Variants in TPTE2 observed in about 807,000 individuals in gnomAD.
TPTE2 encodes transmembrane phosphoinositide 3-phosphatase and tensin homolog 2.
TPTE2 carries 53 observed loss-of-function variants against 78.6 expected under a neutral mutation model. The ratio of observed to expected loss-of-function variants is 0.67; its 90% CI spans 0.54 to 0.85. TPTE2 has a LOEUF of 0.85. Ranked by LOEUF, TPTE2 falls within the 40% of genes least tolerant of loss-of-function variation. The probability of loss-of-function intolerance (pLI) is 0.00; values close to 1 mark genes in which losing one functional copy is unlikely to be tolerated. For synonymous variants in TPTE2, 175 were observed against 206.2 expected, an observed-to-expected ratio of 0.85 and a Z score of 1.30; for missense variants, 461 against 623.0, an observed-to-expected ratio of 0.74 and a Z score of 2.77.
At chr13:19,465,602 A>C in intron 7 of TPTE2, 38 bp from the exon 11 acceptor site, 1 of 1,515,060 alleles carries the variant, frequency 6.6e-7, no homozygotes, top group Non-Finnish European at 8.9e-7. Context: ...TTGCTTCAGA[A>C]ACAGAATTTT....
At chr13:19,442,082 A>G (rs769601296) in intron 13 of TPTE2, among the ~76,000 whole-genome samples, 17 of 152,164 alleles carry the variant, frequency 1.1e-4, no homozygotes, top group Non-Finnish European at 1.9e-4. Flanking sequence ...GTTAAATAAA[A>G]TAGATGTACA....
chr13:19,449,761 CTGTT>C (rs1216987545), intron 13 of TPTE2, among the ~76,000 whole-genome samples: 2 of 152,056 alleles, frequency 1.3e-5, no homozygotes, highest in African/African-American at 4.8e-5. Flanking sequence ...AAATTAAAGA[CTGTT>C]TGTATTTTGA....
intron 3 of TPTE2, among the ~76,000 whole-genome samples, chr13:19,491,832 T>C (rs971092943): frequency 1.3e-5 from 2 of 152,114 alleles, no homozygotes; most frequent in Non-Finnish European, 2.9e-5. Flanking sequence ...CAAAAAATAA[T>C]AATAATAATA....
At chr13:19,456,539 G>T (rs1428035989) in intron 10 of TPTE2, among the ~76,000 whole-genome samples, 1 of 151,886 alleles carries the variant, frequency 6.6e-6, no homozygotes, top group African/African-American at 2.4e-5. Flanking sequence ...AGAAAATGAA[G>T]ATCTTCAAAT....
At chr13:19,435,549 T>G (rs1470409701) in intron 15 of TPTE2, among the ~76,000 whole-genome samples, 1 of 152,166 alleles carries the variant, frequency 6.6e-6, no homozygotes, top group Admixed American at 6.6e-5. Flanking sequence ...TGCTCTGGAC[T>G]TTTGTATATG....
chr13:19,504,070 C>T (rs1294840555), upstream of TPTE2, among the ~76,000 whole-genome samples: 2 of 152,022 alleles, frequency 1.3e-5, no homozygotes, highest in African/African-American at 2.4e-5. Flanking sequence ...TCTCACAGTT[C>T]ACTGATAGCT....
intron 1 of TPTE2, among the ~76,000 whole-genome samples, chr13:19,494,273 C>T (rs781533809): frequency 2.0e-5 from 3 of 152,114 alleles, no homozygotes; most frequent in African/African-American, 7.2e-5. Context: ...TATTTATACA[C>T]GATACAGTGA....
upstream of TPTE2, among the ~76,000 whole-genome samples, chr13:19,503,865 T>C (rs555827677): frequency 3.6e-3 from 551 of 152,040 alleles, 5 homozygotes; most frequent in South Asian, 0.022. Context: ...CTCAGCCTCC[T>C]GAGTACCTGG....
chr13:19,442,797 GTTAAA>G (rs1877580627), intron 13 of TPTE2, among the ~76,000 whole-genome samples: 2 of 152,090 alleles, frequency 1.3e-5, no homozygotes, highest in Admixed American at 6.5e-5. Context: ...CATTTGCAAA[GTTAAA>G]TTAAATGGAC....
chr13:19,552,915 G>A, the TPTE2 span, among the ~76,000 whole-genome samples: 1 of 142,630 alleles, frequency 7.0e-6, no homozygotes, highest in East Asian at 2.0e-4. Flanking sequence ...CTTAACTTTT[G>A]TTTTACAACA....
chr13:19,490,933 AG>A (rs1246487429), intron 3 of TPTE2, among the ~76,000 whole-genome samples: 1 of 152,160 alleles, frequency 6.6e-6, no homozygotes, highest in Admixed American at 6.5e-5. Context: ...CTAAGGTTTC[AG>A]GGTGCTGCTA....
At chr13:19,437,038 G>C (rs867707787) in intron 14 of TPTE2, among the ~76,000 whole-genome samples, 4 of 145,904 alleles carry the variant, frequency 2.7e-5, no homozygotes, top group East Asian at 2.1e-4. Flanking sequence ...AAACCTAGGA[G>C]ACACACACAC....
At chr13:19,498,959 C>A (rs1355033401) in intron 1 of TPTE2, among the ~76,000 whole-genome samples, 2 of 151,856 alleles carry the variant, frequency 1.3e-5, no homozygotes, top group Admixed American at 6.6e-5. Flanking sequence ...GGAAGATCTA[C>A]CAAGCAAATG....
At chr13:19,438,462 T>C in intron 13 of TPTE2, 1 of 983,690 alleles carries the variant, frequency 1.0e-6, no homozygotes, top group Non-Finnish European at 1.2e-6. Flanking sequence ...TTTTGGATAA[T>C]AGTAAAAAAG....
At chr13:19,465,626 A>G in intron 7 of TPTE2, 62 bp from the exon 11 acceptor site, 2 of 1,370,688 alleles carry the variant, frequency 1.5e-6, no homozygotes, top group Non-Finnish European at 9.9e-7. Flanking sequence ...AATATAAACT[A>G]TGTCTAGAGC....
chr13:19,483,713 G>T (rs1566059914), intron 3 of TPTE2, among the ~76,000 whole-genome samples: 1 of 152,100 alleles, frequency 6.6e-6, no homozygotes, highest in Non-Finnish European at 1.5e-5. Context: ...TCTTGAGGTA[G>T]AATTGTTCAG....
chr13:19,547,087 C>CAAA, the TPTE2 span, among the ~76,000 whole-genome samples: 677 of 142,944 alleles, frequency 4.7e-3, 6 homozygotes, highest in South Asian at 0.026. Flanking sequence ...TAAAAGTTAC[C>CAAA]AAAAAAAAAA....
At chr13:19,484,887 G>C (rs1316551382) in intron 3 of TPTE2, among the ~76,000 whole-genome samples, 1 of 152,038 alleles carries the variant, frequency 6.6e-6, no homozygotes, top group Non-Finnish European at 1.5e-5. Flanking sequence ...GGTAAGATGA[G>C]TTTCTTTTAG....
rs1202513721 is a variant in TPTE2, at chr13:19,535,794, C to T, written c.-44+802G>A. Among the ~76,000 whole-genome samples, 1 of 152,008 alleles carries T rather than the reference C, an allele frequency of 6.6e-6. No individual in the cohort carries two copies. The highest frequency in any genetic ancestry group is 1.5e-5 in the Non-Finnish European group (1 of 68,024). ...CTACATACAGGTGCCTGCCATCATGCCCAGCTATTTTTTGTATTTTTAGTA... is the reference window on the plus strand; with the variant it reads ...CTACATACAGGTGCCTGCCATCATGTCCAGCTATTTTTTGTATTTTTAGTA... On this transcript the variant is annotated intron_variant, in intron 1 of 17. Transcript: ENST00000390680. The surrounding 1 kb of genome is among the most constrained non-coding windows in gnomAD (Gnocchi z 5.1).
Sources: allele counts gnomAD v4.1 joint callset (sites outside exome capture counted in the v4.1 genomes callset), GRCh38; gene constraint gnomAD v4.1.1; non-coding constraint Gnocchi (gnomAD v3.1); transcripts MANE v1.5; gene names NCBI Gene and HGNC (gene_info 2026-07-23, HGNC 2026-07-21).